PCDH15: variants seen among roughly 807,000 people sequenced by gnomAD.
PCDH15 encodes the protein protocadherin-15.
Under a neutral mutation model 178.5 loss-of-function variants are expected in PCDH15, and 129 were observed. The ratio of observed to expected loss-of-function variants is 0.72; its 90% CI spans 0.63 to 0.84. The LOEUF is 0.84. PCDH15 is among the 40% of genes least tolerant of loss of function. The pLI, the probability that PCDH15 is intolerant of heterozygous loss-of-function variation, is 0.00. For missense variants in PCDH15, 2,230 were observed against 2,099.9 expected (o/e 1.06, Z -1.21); for synonymous variants, 800 against 732.0 (o/e 1.09, Z -1.50).
intron 18 of PCDH15, among the ~76,000 whole-genome samples, chr10:54,023,621 G>A (rs1057212547): frequency 1.3e-5 from 2 of 148,478 alleles, no homozygotes; most frequent in Non-Finnish European, 3.0e-5. Flanking sequence ...TATATGTTTA[G>A]TAATAATGTT....
intron 1 of PCDH15, among the ~76,000 whole-genome samples, chr10:54,758,763 A>C (rs982011340): frequency 1.3e-5 from 2 of 152,198 alleles, no homozygotes; most frequent in African/African-American, 4.8e-5. Context: ...GTTTGGAACT[A>C]TCTCTTTTCA....
intron 1 of PCDH15, among the ~76,000 whole-genome samples, chr10:55,204,361 T>G (rs1365563563): frequency 6.6e-6 from 1 of 151,348 alleles, no homozygotes; most frequent in Non-Finnish European, 1.5e-5. Context: ...TGTATATATA[T>G]ACATATGTAC....
At chr10:55,418,934 C>A (rs916369424) in intron 2 of PCDH15, among the ~76,000 whole-genome samples, 1 of 151,714 alleles carries the variant, frequency 6.6e-6, no homozygotes, top group Non-Finnish European at 1.5e-5. Context: ...CTCATGAATT[C>A]TTTTTATATA....
rs935230159 is a variant in PCDH15 at position 54,924,337 on chromosome 10, T to G, written c.-79-26837A>C. The stretch of plus-strand genomic sequence containing the variant: ...GGGTAGGGCCCAGAACCAAACCATA[T>G]CAACTACTAATGGGCATTTAGGTAG... On this transcript the variant is annotated intron_variant, in intron 2 of 5. Coordinates refer to the PCDH15 transcript ENST00000458638. 1.2e-4 allele frequency among the ~76,000 whole-genome samples: 16 copies of G among 137,808 alleles called. 1 individual carries two copies. The highest frequency in any genetic ancestry group is 7.1e-5 in the Admixed American group (1 of 14,052). The allele number at this position is 137,808 out of a possible 152,430, so 90.4% of individuals were successfully genotyped here. A position where few individuals can be genotyped will look rare whatever the true frequency, so the allele number is the denominator to read the frequency against.
chr10:55,392,071 G>A (rs918738521), intron 2 of PCDH15, among the ~76,000 whole-genome samples: 1 of 152,106 alleles, frequency 6.6e-6, no homozygotes. Flanking sequence ...GGTGCAATCA[G>A]AACACACATT....
At chr10:54,964,837 T>A (rs1440718186) in intron 2 of PCDH15, among the ~76,000 whole-genome samples, 4 of 152,244 alleles carry the variant, frequency 2.6e-5, no homozygotes, top group Admixed American at 6.5e-5. Flanking sequence ...GAAAAAGGTA[T>A]AACTGCCTCA....
intron 2 of PCDH15, among the ~76,000 whole-genome samples, chr10:55,086,651 A>T (rs768344096): frequency 6.6e-6 from 1 of 152,074 alleles, no homozygotes; most frequent in Non-Finnish European, 1.5e-5. Flanking sequence ...CTTTTTAAAG[A>T]CCAATTGAAA....
chr10:54,372,648 A>G (rs1184357993), intron 4 of PCDH15, among the ~76,000 whole-genome samples: 1 of 151,846 alleles, frequency 6.6e-6, no homozygotes, highest in Non-Finnish European at 1.5e-5. Flanking sequence ...TATCTTTCAT[A>G]ACTGGTGGCA....
At chr10:54,840,018 T>C (rs572470487) in intron 3 of PCDH15, among the ~76,000 whole-genome samples, 1 of 151,216 alleles carries the variant, frequency 6.6e-6, no homozygotes, top group East Asian at 1.9e-4. Context: ...ATTAAAGGAG[T>C]TTATTACTAT....
chr10:53,856,932 G>A (rs1399652675), intron 28 of PCDH15, among the ~76,000 whole-genome samples: 1 of 151,930 alleles, frequency 6.6e-6, no homozygotes, highest in African/African-American at 2.4e-5. Context: ...GAAAATAATA[G>A]ACACTGAGGG....
intron 1 of PCDH15, among the ~76,000 whole-genome samples, chr10:54,686,567 C>A (rs182436296): frequency 6.6e-6 from 1 of 151,940 alleles, no homozygotes; most frequent in African/African-American, 2.4e-5. Context: ...CGTCAATAAC[C>A]TATTTTGAAT....
intron 2 of PCDH15, among the ~76,000 whole-genome samples, chr10:55,348,639 A>C (rs1399499205): frequency 1.3e-5 from 2 of 152,202 alleles, no homozygotes; most frequent in Non-Finnish European, 2.9e-5. Context: ...TAAGAAGACT[A>C]TCTTGGTAGA....
chr10:55,217,423 C>T (rs1309111084), intron 1 of PCDH15, among the ~76,000 whole-genome samples: 2 of 151,736 alleles, frequency 1.3e-5, no homozygotes, highest in Non-Finnish European at 2.9e-5. Context: ...CTTTAAAAAC[C>T]TTCGTATTTT....
intron 2 of PCDH15, among the ~76,000 whole-genome samples, chr10:55,545,668 C>T (rs1281690924): frequency 6.6e-6 from 1 of 152,192 alleles, no homozygotes; most frequent in East Asian, 1.9e-4. Flanking sequence ...GCCTCAGCCT[C>T]CCAAAGTGCT....
chr10:55,118,390 C>A (rs1466530842), intron 2 of PCDH15, among the ~76,000 whole-genome samples: 1 of 152,128 alleles, frequency 6.6e-6, no homozygotes, highest in Admixed American at 6.6e-5. Flanking sequence ...TGAGGGCGTA[C>A]CATTTTTGGT....
chr10:54,251,567 CT>C (rs2056474675), intron 8 of PCDH15, among the ~76,000 whole-genome samples: 1 of 152,148 alleles, frequency 6.6e-6, no homozygotes, highest in Non-Finnish European at 1.5e-5. Flanking sequence ...TTTAACCAGG[CT>C]GATGCAGACA....
chr10:54,207,807 CT>C lies in PCDH15; in HGVS notation c.1098+6128del, dbSNP rs374296889. On this transcript the variant is annotated intron_variant, in intron 10 of 37. Coordinates refer to ENST00000644397, the MANE Select transcript of PCDH15 (RefSeq NM_001384140.1). ...ATACCTCTGAGCTCATTTACTTACT[CT>C]GTTACACTTAAGGTAAAACAGATAT... Among the ~76,000 whole-genome samples, 132 of 152,250 alleles carry C rather than the reference CT, an allele frequency of 8.7e-4. 1 individual carries two copies. Among genetic ancestry groups the C allele is most frequent in the African/African-American group, 2.9e-3 (122 of 41,556 alleles).
chr10:55,375,116 T>C (rs1316059100), intron 2 of PCDH15, among the ~76,000 whole-genome samples: 3 of 152,130 alleles, frequency 2.0e-5, no homozygotes, highest in Non-Finnish European at 1.5e-5. Flanking sequence ...ATGACCTCTT[T>C]TGGTAATTGT....
At chr10:55,511,166 C>T (rs960329934) in intron 2 of PCDH15, among the ~76,000 whole-genome samples, 2 of 151,704 alleles carry the variant, frequency 1.3e-5, no homozygotes, top group African/African-American at 4.8e-5. Context: ...AGTCACCACA[C>T]GTCTTATTTT....
Sources: allele counts gnomAD v4.1 joint callset (sites outside exome capture counted in the v4.1 genomes callset), GRCh38; gene constraint gnomAD v4.1.1; transcripts MANE v1.5; gene names NCBI Gene and HGNC (gene_info 2026-07-23, HGNC 2026-07-21).